Variants in PTGFRN observed in about 807,000 individuals in gnomAD.
The protein encoded by PTGFRN is prostaglandin F2 receptor negative regulator.
A neutral mutation model predicts 83.2 loss-of-function variants in PTGFRN; 35 were observed. The ratio of observed to expected loss-of-function variants is 0.42; its 90% CI spans 0.32 to 0.56. The LOEUF (loss-of-function observed/expected upper bound fraction) is 0.56, where lower values mean the gene tolerates loss of function less well. Ranked by LOEUF, PTGFRN falls within the 20% of genes least tolerant of loss-of-function variation. The pLI is 0.11. For synonymous variants in PTGFRN, 519 were observed against 498.6 expected (o/e 1.04, Z -0.55); for missense variants, 1,051 against 1,179.5 (o/e 0.89, Z 1.60).
Position 116,910,113 on chromosome 1 carries a change from C to T in PTGFRN, c.-91C>T. 1.4e-6 allele frequency: 2 copies of T among 1,395,862 alleles called. No homozygotes were observed. The highest frequency in any genetic ancestry group is 2.0e-5 in the Admixed American group (1 of 49,916). 86.5% of individuals were successfully genotyped at this position (1,395,862 alleles called of 1,614,324 possible). A position where few individuals can be genotyped will look rare whatever the true frequency, so the allele number is the denominator to read the frequency against. Reference sequence around the variant, plus strand: ...GCGCGCGGCCCAGGCGGAGGAGCGCCGACTCTGGAGCAGCCGGAGCTGGAA... The same window carrying T: ...GCGCGCGGCCCAGGCGGAGGAGCGCTGACTCTGGAGCAGCCGGAGCTGGAA... On this transcript the variant is annotated 5_prime_UTR_variant, in exon 1 of 9. Coordinates refer to ENST00000393203, the MANE Select transcript of PTGFRN (RefSeq NM_020440.4).
At chr1:116,970,866 G>T (rs1288968332) in intron 6 of PTGFRN, among the ~76,000 whole-genome samples, 3 of 152,176 alleles carry the variant, frequency 2.0e-5, no homozygotes, top group Non-Finnish European at 4.4e-5. Flanking sequence ...TGATTTCAGG[G>T]CACCTGCTTT....
chr1:116,959,990 G>A (rs1223253631), intron 4 of PTGFRN, among the ~76,000 whole-genome samples: 10 of 151,936 alleles, frequency 6.6e-5, no homozygotes, highest in African/African-American at 2.4e-4. Flanking sequence ...AGAAGAAGAA[G>A]AAGAAAAATG....
chr1:116,966,450 G>T (rs1650835872), intron 5 of PTGFRN, among the ~76,000 whole-genome samples: 2 of 152,326 alleles, frequency 1.3e-5, no homozygotes, highest in African/African-American at 2.4e-5. Context: ...GGCTAGCTTA[G>T]CTAGGGGCAC....
At chr1:116,974,139 G>A in intron 6 of PTGFRN, 77 bp from the exon 7 acceptor site, 1 of 1,085,744 alleles carries the variant, frequency 9.2e-7, no homozygotes, top group Admixed American at 2.1e-5. Flanking sequence ...ACATTTTGAT[G>A]CCCCTTAGAG....
intron 7 of PTGFRN, among the ~76,000 whole-genome samples, chr1:116,977,992 G>C (rs1470635513): frequency 1.4e-4 from 21 of 152,024 alleles, no homozygotes; most frequent in Non-Finnish European, 2.9e-4. Flanking sequence ...TAATAAAGAA[G>C]AAAAGAGAGA....
chr1:116,924,327 A>G (rs1649604701), intron 1 of PTGFRN, among the ~76,000 whole-genome samples: 1 of 151,836 alleles, frequency 6.6e-6, no homozygotes, highest in South Asian at 2.1e-4. Context: ...TTGTATTTCT[A>G]GTAGAGATGG....
rs754074860 is a variant in PTGFRN at position 116,986,761 on chromosome 1, G to T, written c.2474-40G>T. 3 of 1,602,778 alleles carry T rather than the reference G, an allele frequency of 1.9e-6. No homozygotes were observed. In the South Asian group the frequency reaches 3.3e-5, roughly 18 times the overall value. ...GGGTGCCCCCAAAGCGGCCTCCCTCGCAGCACTGACTGGCTTCCCCTTTGA... is the reference window on the plus strand; with the variant it reads ...GGGTGCCCCCAAAGCGGCCTCCCTCTCAGCACTGACTGGCTTCCCCTTTGA... On this transcript the variant is annotated intron_variant, in intron 8 of 8. Transcript: ENST00000393203.
Position 116,941,816 on chromosome 1 carries a change from C to T in PTGFRN, c.151C>T (p.Pro51Ser), listed in dbSNP as rs1557963369. 1.2e-6 allele frequency: 2 copies of T among 1,614,124 alleles called. No homozygotes were observed. The highest frequency in any genetic ancestry group is 1.7e-5 in the Admixed American group (1 of 60,026). ...CTGCAACGTCAGTGACTATGATGGC[C>T]CCAGCGAGCAAAACTTTGACTGGAG... The part of the protein sequence containing the change: ...IPCNVSDYDG[P>S]SEQNFDWSFS... The change falls in exon 2 of 9, where the codon CCC (proline) becomes TCC (serine). Residue 51 changes from proline (P) to serine (S), a missense_variant. Around this residue, in one of 3 missense-constraint regions of PTGFRN, gnomAD observed 127 missense variants for 168.4 expected, o/e 0.75. Transcript: ENST00000393203. This position sits in a 1 kb window ranked among gnomAD's most constrained non-coding sequence, Gnocchi z 5.0.
At chr1:116,980,490 T>C (rs967768031) in intron 7 of PTGFRN, among the ~76,000 whole-genome samples, 5 of 152,052 alleles carry the variant, frequency 3.3e-5, no homozygotes, top group African/African-American at 4.8e-5. Context: ...ATTAAGAAAA[T>C]GTGGCACATA....
chr1:116,937,630 A>T (rs1218922205), intron 1 of PTGFRN, among the ~76,000 whole-genome samples: 1 of 152,210 alleles, frequency 6.6e-6, no homozygotes, highest in Non-Finnish European at 1.5e-5. Context: ...CAGTTTCTAA[A>T]GCTCTGATCA....
At chr1:116,984,322 G>A (rs1013786970) in intron 7 of PTGFRN, among the ~76,000 whole-genome samples, 1 of 152,074 alleles carries the variant, frequency 6.6e-6, no homozygotes, top group African/African-American at 2.4e-5. Context: ...TTTCGGATCA[G>A]TGTTCTCTGT....
rs767813173 is a variant in PTGFRN at position 116,919,348 on chromosome 1, C to T, written c.49+9096C>T. Among the ~76,000 whole-genome samples, 4 of 152,218 alleles carry T rather than the reference C, an allele frequency of 2.6e-5. No homozygotes were observed. In the East Asian group the frequency reaches 7.7e-4, roughly 29 times the overall value. The stretch of plus-strand genomic sequence containing the variant: ...AGGGTTCTTTCCTTCCCAATAAATT[C>T]CTGTCTACCTTTTTTGTAGCATTTA... On this transcript the variant is annotated intron_variant, in intron 1 of 8. Coordinates refer to ENST00000393203, the MANE Select transcript of PTGFRN (RefSeq NM_020440.4).
rs1365306719 is a variant in PTGFRN, at chr1:116,918,676, C to T, written c.49+8424C>T. Among the ~76,000 whole-genome samples the T allele has an allele frequency of 2.0e-5, 3 of 152,106 alleles. No individual in the cohort carries two copies. The highest frequency in any genetic ancestry group is 6.5e-5 in the Admixed American group (1 of 15,276). On this transcript the variant is annotated intron_variant, in intron 1 of 8. Transcript: ENST00000393203. The surrounding 1 kb of genome is among the most constrained non-coding windows in gnomAD (Gnocchi z 4.1). ...AGGAGAGTGGGCTGGGGCTGGACCC[C>T]ACGGGAATGTGACAGTCATTCAGTT...
chr1:116,982,703 C>T (rs116854098), intron 7 of PTGFRN, among the ~76,000 whole-genome samples: 1 of 152,182 alleles, frequency 6.6e-6, no homozygotes, highest in Non-Finnish European at 1.5e-5. Context: ...ACGGGGAGTT[C>T]TGGAGCATGA....
chr1:116,914,702 C>T (rs909292212), intron 1 of PTGFRN, among the ~76,000 whole-genome samples: 3 of 151,392 alleles, frequency 2.0e-5, no homozygotes, highest in South Asian at 2.1e-4. Context: ...TGTAGGGGAC[C>T]GTGATCGCAC....
At chr1:116,966,849 A>C (rs2101079963) in intron 5 of PTGFRN, 62 bp from the exon 6 acceptor site, 2 of 1,487,826 alleles carry the variant, frequency 1.3e-6, no homozygotes, top group East Asian at 2.3e-5. Context: ...TTTTGCTTTT[A>C]GTTGCATTTT....
At chr1:116,924,995 G>C (rs981866717) in intron 1 of PTGFRN, among the ~76,000 whole-genome samples, 1 of 152,182 alleles carries the variant, frequency 6.6e-6, no homozygotes, top group Non-Finnish European at 1.5e-5. Context: ...CCTGAGCTGG[G>C]GGCTGAGGTG....
chr1:116,965,682 C>T (rs12024946), intron 5 of PTGFRN, among the ~76,000 whole-genome samples: 18,589 of 152,194 alleles, frequency 0.12, 1,442 homozygotes, highest in East Asian at 0.39. Context: ...TACAAATCCA[C>T]GCTTTTTCTC....
chr1:116,917,084 A>T (rs1156993563), intron 1 of PTGFRN, among the ~76,000 whole-genome samples: 1 of 152,148 alleles, frequency 6.6e-6, no homozygotes, highest in African/African-American at 2.4e-5. Context: ...GGGATTGGTC[A>T]CATGCTGCTA....
Sources: allele counts gnomAD v4.1 joint callset (sites outside exome capture counted in the v4.1 genomes callset), GRCh38; gene constraint gnomAD v4.1.1; regional missense constraint gnomAD v4.1.1; non-coding constraint Gnocchi (gnomAD v3.1); transcripts MANE v1.5; gene names NCBI Gene and HGNC (gene_info 2026-07-23, HGNC 2026-07-21).